GLIS3: variants seen among roughly 807,000 people sequenced by gnomAD.
GLIS3 encodes the protein zinc finger protein GLIS3.
In GLIS3, 53 loss-of-function variants were observed where a neutral mutation model predicts 78.6. The observed-to-expected ratio is 0.67, with a 90% confidence interval of 0.54 to 0.85. The LOEUF is 0.85. Among genes scored for constraint, GLIS3 ranks in the 40% least tolerant of loss-of-function variants. The probability of loss-of-function intolerance (pLI) is 0.00; values close to 1 mark genes in which losing one functional copy is unlikely to be tolerated. For synonymous variants in GLIS3, 684 were observed against 509.9 expected, an observed-to-expected ratio of 1.34 and a Z score of -4.60; for missense variants, 1,703 against 1,231.1, an observed-to-expected ratio of 1.38 and a Z score of -5.74.
intron 8 of GLIS3, among the ~76,000 whole-genome samples, chr9:3,864,934 T>C (rs1053743718): frequency 1.3e-5 from 2 of 152,192 alleles, no homozygotes; most frequent in South Asian, 2.1e-4. Flanking sequence ...ATTACTCTGC[T>C]GAACATGGTT....
At chr9:3,966,573 A>G (rs1160384822) in intron 4 of GLIS3, among the ~76,000 whole-genome samples, 4 of 152,200 alleles carry the variant, frequency 2.6e-5, no homozygotes, top group Admixed American at 6.5e-5. Context: ...AGGCAGGCCA[A>G]TCACCTGAGG....
chr9:4,126,436 T>G (rs1429619750), intron 2 of GLIS3, among the ~76,000 whole-genome samples: 1 of 152,220 alleles, frequency 6.6e-6, no homozygotes, highest in Non-Finnish European at 1.5e-5. Context: ...TACTCTTGAT[T>G]TTTTTTCTCC....
At chr9:4,467,327 T>A in the GLIS3 span, among the ~76,000 whole-genome samples, 1 of 152,202 alleles carries the variant, frequency 6.6e-6, no homozygotes, top group African/African-American at 2.4e-5. Context: ...ACGGACAGAC[T>A]GCCTCCTCAA....
chr9:4,409,153 T>C, the GLIS3 span, among the ~76,000 whole-genome samples: 1 of 152,212 alleles, frequency 6.6e-6, no homozygotes, highest in African/African-American at 2.4e-5. Context: ...TTTCTGCTTA[T>C]ATAAGCAAGA....
At chr9:4,208,797 A>T (rs571041538) in intron 2 of GLIS3, among the ~76,000 whole-genome samples, 1 of 152,204 alleles carries the variant, frequency 6.6e-6, no homozygotes, top group African/African-American at 2.4e-5. Context: ...GATGGAACTC[A>T]ATGGGTGGCT....
chr9:4,407,981 GACAT>G, the GLIS3 span, among the ~76,000 whole-genome samples: 1 of 152,014 alleles, frequency 6.6e-6, no homozygotes, highest in Admixed American at 6.5e-5. Context: ...TTTCTAAGAT[GACAT>G]ACAAATGGCC....
At chr9:4,472,696 T>A in the GLIS3 span, among the ~76,000 whole-genome samples, 2 of 152,112 alleles carry the variant, frequency 1.3e-5, no homozygotes, top group African/African-American at 4.8e-5. Flanking sequence ...ACATGGCACA[T>A]GTACACCTAT....
intron 9 of GLIS3, among the ~76,000 whole-genome samples, chr9:3,840,639 T>C (rs553175167): frequency 6.6e-6 from 1 of 152,306 alleles, no homozygotes; most frequent in East Asian, 1.9e-4. Flanking sequence ...CACATTTCTT[T>C]TGAAGGAACC....
At chr9:4,117,276 T>C (rs149751436) in intron 4 of GLIS3, among the ~76,000 whole-genome samples, 45 of 152,358 alleles carry the variant, frequency 3.0e-4, no homozygotes, top group African/African-American at 9.9e-4. Flanking sequence ...TGTGGATGCA[T>C]GCCGAAACAC....
chr9:4,478,867 G>C, the GLIS3 span, among the ~76,000 whole-genome samples: 12 of 152,124 alleles, frequency 7.9e-5, no homozygotes, highest in African/African-American at 1.7e-4. Flanking sequence ...TATCGTAGTT[G>C]AATCAGGCTG....
chr9:4,251,177 C>G (rs1380645087), intron 2 of GLIS3, among the ~76,000 whole-genome samples: 1 of 152,126 alleles, frequency 6.6e-6, no homozygotes, highest in African/African-American at 2.4e-5. Flanking sequence ...TTTTCTGTCC[C>G]ATTGATCTGT....
At chr9:3,841,068 G>A (rs940026874) in intron 9 of GLIS3, among the ~76,000 whole-genome samples, 3 of 152,152 alleles carry the variant, frequency 2.0e-5, no homozygotes, top group Admixed American at 6.5e-5. Context: ...AAATAGGGGG[G>A]AAAAAACCGA....
intron 2 of GLIS3, among the ~76,000 whole-genome samples, chr9:4,246,685 A>G (rs754182121): frequency 6.6e-6 from 1 of 152,180 alleles, no homozygotes; most frequent in Non-Finnish European, 1.5e-5. Context: ...TGCTAAAGTT[A>G]TATGTAAGAG....
intron 9 of GLIS3, among the ~76,000 whole-genome samples, chr9:3,831,013 T>C (rs1031871441): frequency 6.6e-6 from 1 of 152,166 alleles, no homozygotes; most frequent in Admixed American, 6.6e-5. Context: ...TCCATAAAGA[T>C]ACATACTGGC....
At chr9:4,390,825 T>C in the GLIS3 span, among the ~76,000 whole-genome samples, 3,072 of 152,224 alleles carry the variant, frequency 0.02, 91 homozygotes, top group African/African-American at 0.071. Flanking sequence ...AGGGTTTAGA[T>C]CACTGTCTTT....
the GLIS3 span, among the ~76,000 whole-genome samples, chr9:4,476,119 T>C: frequency 6.6e-6 from 1 of 152,194 alleles, no homozygotes; most frequent in African/African-American, 2.4e-5. Context: ...TATGAAATTC[T>C]TAAAAACCAG....
At chr9:4,389,654 G>A in the GLIS3 span, among the ~76,000 whole-genome samples, 2 of 152,208 alleles carry the variant, frequency 1.3e-5, no homozygotes, top group South Asian at 4.2e-4. Context: ...TTCTGCCCAA[G>A]ACAATCACAT....
chr9:4,053,685 C>T (rs1825906220), intron 4 of GLIS3, among the ~76,000 whole-genome samples: 2 of 100,210 alleles, frequency 2.0e-5, no homozygotes, highest in Admixed American at 1.2e-4. Flanking sequence ...GACTCAGTGC[C>T]TACTTGTTTT....
intron 2 of GLIS3, among the ~76,000 whole-genome samples, chr9:4,316,179 TGGTTTTG>T (rs1392448501): frequency 6.6e-6 from 1 of 152,206 alleles, no homozygotes; most frequent in African/African-American, 2.4e-5. Flanking sequence ...CACCTTTTTC[TGGTTTTG>T]GAAGAGAGGT....
Sources: gnomAD v4.1 joint callset for allele counts (sites outside exome capture counted in the v4.1 genomes callset) on GRCh38, gnomAD v4.1.1 for gene constraint, MANE v1.5 for transcripts, NCBI Gene and HGNC (gene_info 2026-07-23, HGNC 2026-07-21) for gene names.